The following CADM1 variants were observed in gnomAD, a reference collection of about 807,000 sequenced individuals.
CADM1 encodes cell adhesion molecule 1, also known as TSLC-1.
Under a neutral mutation model 53.1 loss-of-function variants are expected in CADM1, and 15 were observed. The ratio of observed to expected loss-of-function variants is 0.28; its 90% CI spans 0.19 to 0.44. CADM1 has a LOEUF of 0.44. Among genes scored for constraint, CADM1 ranks in the 20% least tolerant of loss-of-function variants. The probability of loss-of-function intolerance (pLI) is 1.00; values close to 1 mark genes in which losing one functional copy is unlikely to be tolerated. For synonymous variants in CADM1, 281 were observed against 243.0 expected, an observed-to-expected ratio of 1.16 and a Z score of -1.45; for missense variants, 434 against 611.3, an observed-to-expected ratio of 0.71 and a Z score of 3.06.
intron 1 of CADM1, among the ~76,000 whole-genome samples, chr11:115,409,240 T>A (rs1310282492): frequency 1.3e-5 from 2 of 152,098 alleles, no homozygotes; most frequent in African/African-American, 4.8e-5. Context: ...ACACTGGCAT[T>A]TCAGGCACTC....
rs536743478 is a variant in CADM1, at chr11:115,407,804, C to T, written c.124+96467G>A. Among the ~76,000 whole-genome samples the T allele has an allele frequency of 2.4e-5, 3 of 126,976 alleles. No homozygotes were observed. The East Asian group carries it at 7.8e-4, about 33-fold the overall frequency. 83.3% of individuals were successfully genotyped at this position (126,976 alleles called of 152,430 possible). On this transcript the variant is annotated intron_variant, in intron 1 of 11. Transcript: ENST00000331581. ...AGGGTCACCTGAGCCTGGGGGGGTT[C>T]GAGGCTGCAGTGAGCCATACCATCG...
rs1591299055 is a variant in CADM1, at chr11:115,489,271, C to T, written c.124+15000G>A. 6.6e-5 allele frequency among the ~76,000 whole-genome samples: 10 copies of T among 152,280 alleles called. No homozygotes were observed. In the South Asian group the frequency reaches 2.1e-3, roughly 32 times the overall value. ...ATTCCTTCAAGATACAAAAGTCAGG[C>T]ACGTTGATAGCTCTTCATTCATTAT... is the stretch of plus-strand genomic sequence containing the variant. On this transcript the variant is annotated intron_variant, in intron 1 of 11. Transcript: ENST00000331581.
intron 1 of CADM1, among the ~76,000 whole-genome samples, chr11:115,260,011 G>C (rs1225333445): frequency 6.6e-6 from 1 of 152,116 alleles, no homozygotes; most frequent in Non-Finnish European, 1.5e-5. Context: ...CTGGAGCCTT[G>C]AACTCTCTGG....
chr11:115,308,018 C>T (rs753397561), intron 1 of CADM1, among the ~76,000 whole-genome samples: 3 of 151,462 alleles, frequency 2.0e-5, no homozygotes, highest in Non-Finnish European at 4.4e-5. Flanking sequence ...TGAGACTATT[C>T]AAATAATACC....
chr11:115,283,997 C>A (rs981205235), intron 1 of CADM1, among the ~76,000 whole-genome samples: 1 of 151,924 alleles, frequency 6.6e-6, no homozygotes, highest in Admixed American at 6.6e-5. Context: ...TAGACTTGCT[C>A]CTGAAAAATG....
chr11:115,327,683 C>G (rs1479129496), intron 1 of CADM1, among the ~76,000 whole-genome samples: 1 of 152,106 alleles, frequency 6.6e-6, no homozygotes, highest in Non-Finnish European at 1.5e-5. Flanking sequence ...AACTCTAGAA[C>G]AAGAGTTCAA....
intron 8 of CADM1, among the ~76,000 whole-genome samples, chr11:115,206,760 T>TTTTTTTTTTTTTTTTTTTTG: frequency 9.3e-6 from 1 of 107,788 alleles, no homozygotes; most frequent in East Asian, 2.8e-4. Context: ...GTGGACTTCT[T>TTTTTTTTTTTTTTTTTTTTG]TTTTTTTTTT....
intron 1 of CADM1, among the ~76,000 whole-genome samples, chr11:115,282,060 T>G (rs988258833): frequency 6.6e-5 from 10 of 152,230 alleles, no homozygotes; most frequent in African/African-American, 2.4e-4. Flanking sequence ...AATAAGATCC[T>G]TCCAGTTCCT....
intron 1 of CADM1, among the ~76,000 whole-genome samples, chr11:115,380,712 A>G (rs1224155478): frequency 6.6e-6 from 1 of 152,182 alleles, no homozygotes; most frequent in Non-Finnish European, 1.5e-5. Flanking sequence ...TGAGAACACC[A>G]TAATTAGAGG....
At chr11:115,209,737 G>A in intron 7 of CADM1, 80 bp from the exon 8 acceptor site, 2 of 1,542,022 alleles carry the variant, frequency 1.3e-6, no homozygotes, top group Non-Finnish European at 8.8e-7. Context: ...AAAGGCATGA[G>A]GACATTGAGA....
intron 1 of CADM1, among the ~76,000 whole-genome samples, chr11:115,373,980 A>G (rs1199266184): frequency 6.6e-6 from 1 of 152,236 alleles, no homozygotes. Flanking sequence ...CTTTAAGACA[A>G]CAACAATACA....
rs910283382 is a variant in CADM1 at position 115,176,667 on chromosome 11, C to T, written c.1298-75G>A. ...AAAGTGGTACAGAGATGGCAACTTG[C>T]TTTATGGCCATCATCAGCCGAAGTG... is the stretch of plus-strand genomic sequence containing the variant. On this transcript the variant is annotated intron_variant, in intron 11 of 11. Transcript: ENST00000331581. 8 of 1,216,580 alleles carry T rather than the reference C, an allele frequency of 6.6e-6. No individual in the cohort carries two copies. The Admixed American group carries it at 6.7e-5, about 10-fold the overall frequency. The allele number at this position is 1,216,580 out of a possible 1,614,324, so 75.4% of individuals were successfully genotyped here. A position where few individuals can be genotyped will look rare whatever the true frequency, so the allele number is the denominator to read the frequency against.
chr11:115,401,372 G>T lies in CADM1; in HGVS notation c.124+102899C>A, dbSNP rs547999342. Among the ~76,000 whole-genome samples, 8 of 152,324 alleles carry T rather than the reference G, an allele frequency of 5.3e-5. No homozygotes were observed. In the East Asian group the frequency reaches 9.7e-4, roughly 18 times the overall value. ...GCCTGTAATCCCAGCACTTTGGGAG[G>T]CCGAGGCGGGTGGATCACGAGGTCA... is the stretch of plus-strand genomic sequence containing the variant. On this transcript the variant is annotated intron_variant, in intron 1 of 11. Coordinates refer to ENST00000331581, the MANE Select transcript of CADM1 (RefSeq NM_001301043.2).
At position 115,202,449 on chromosome 11, in the gene CADM1, T is replaced by C. The variant is rs1031103832; in HGVS notation, c.1079-4011A>G. Among the ~76,000 whole-genome samples, 5 of 152,292 alleles carry C rather than the reference T, an allele frequency of 3.3e-5. No individual in the cohort carries two copies. The East Asian group carries it at 5.8e-4, about 18-fold the overall frequency. On this transcript the variant is annotated intron_variant, in intron 8 of 11. Coordinates refer to ENST00000331581, the MANE Select transcript of CADM1 (RefSeq NM_001301043.2). ...CAACCTTAAATATTTTTTCCCCCAA[T>C]TGATCTGCGGTGCTCCTGCTTTACA...
chr11:115,277,535 A>G (rs1456325983), intron 1 of CADM1, among the ~76,000 whole-genome samples: 1 of 152,174 alleles, frequency 6.6e-6, no homozygotes, highest in African/African-American at 2.4e-5. Context: ...TACAATTACT[A>G]GGGTCGAGTA....
chr11:115,191,085 A>T (rs974310205), intron 9 of CADM1, 144 bp from the exon 10 acceptor site: 1 of 664,312 alleles, frequency 1.5e-6, no homozygotes, highest in Non-Finnish European at 2.6e-6. Context: ...GTATTAATCC[A>T]TAAGTACATT....
chr11:115,298,341 T>C (rs1944133058), intron 1 of CADM1, among the ~76,000 whole-genome samples: 1 of 152,196 alleles, frequency 6.6e-6, no homozygotes, highest in Non-Finnish European at 1.5e-5. Context: ...ACTGAATCTC[T>C]TGACTGATTC....
At chr11:115,224,058 C>G (rs1565308482) in intron 5 of CADM1, among the ~76,000 whole-genome samples, 1 of 150,048 alleles carries the variant, frequency 6.7e-6, no homozygotes, top group Non-Finnish European at 1.5e-5. Flanking sequence ...CTGAAGAATA[C>G]AACCTGGAAA....
intron 1 of CADM1, among the ~76,000 whole-genome samples, chr11:115,481,230 C>A (rs1435874189): frequency 6.6e-6 from 1 of 152,182 alleles, no homozygotes; most frequent in Non-Finnish European, 1.5e-5. Context: ...GGTTCCCACA[C>A]TCACTGCTGC....
Sources: gnomAD v4.1 joint callset for allele counts (sites outside exome capture counted in the v4.1 genomes callset) on GRCh38, gnomAD v4.1.1 for gene constraint, MANE v1.5 for transcripts, NCBI Gene and HGNC (gene_info 2026-07-23, HGNC 2026-07-21) for gene names.